The following CLNK variants were observed in gnomAD, a reference collection of about 807,000 sequenced individuals.
CLNK encodes the protein cytokine-dependent hematopoietic cell linker.
A neutral mutation model predicts 68.6 loss-of-function variants in CLNK; 74 were observed. That is an observed-to-expected ratio of 1.08 (90% confidence interval 0.89 to 1.31). The LOEUF is 1.31. Among genes scored for constraint, CLNK ranks in the 50% most tolerant of loss-of-function variants. The pLI is 0.00. For synonymous variants in CLNK, 198 were observed against 172.2 expected, an observed-to-expected ratio of 1.15 and a Z score of -1.17; for missense variants, 553 against 515.3, an observed-to-expected ratio of 1.07 and a Z score of -0.71.
chr4:10,562,279 G>A (rs1719928824), intron 7 of CLNK, among the ~76,000 whole-genome samples: 2 of 151,698 alleles, frequency 1.3e-5, no homozygotes, highest in South Asian at 4.2e-4. Flanking sequence ...CAACAGTGAT[G>A]GATTTTATAG....
intron 1 of CLNK, among the ~76,000 whole-genome samples, chr4:10,683,600 G>C (rs757362623): frequency 6.6e-6 from 1 of 152,172 alleles, no homozygotes; most frequent in Non-Finnish European, 1.5e-5. Context: ...GTAAACCAGG[G>C]AAAGTAATAG....
intron 2 of CLNK, among the ~76,000 whole-genome samples, chr4:10,602,788 G>A (rs1721638247): frequency 6.6e-6 from 1 of 152,132 alleles, no homozygotes; most frequent in Admixed American, 6.5e-5. Flanking sequence ...AATGCAATAG[G>A]CACAATGATA....
At chr4:10,549,980 T>C (rs1244203465) in intron 8 of CLNK, among the ~76,000 whole-genome samples, 1 of 152,244 alleles carries the variant, frequency 6.6e-6, no homozygotes, top group Admixed American at 6.5e-5. Context: ...CAGAATCCGA[T>C]GGACCTTGGT....
chr4:10,710,283 G>A, the CLNK span, among the ~76,000 whole-genome samples: 10 of 152,198 alleles, frequency 6.6e-5, no homozygotes, highest in South Asian at 1.0e-3. Flanking sequence ...TTGGTTTTCC[G>A]TGCTTCTCAG....
At chr4:10,542,680 G>T (rs866154702) in intron 8 of CLNK, among the ~76,000 whole-genome samples, 1 of 145,050 alleles carries the variant, frequency 6.9e-6, no homozygotes, top group African/African-American at 2.6e-5. Flanking sequence ...GTGTGTGTGT[G>T]TGTATATATA....
intron 2 of CLNK, among the ~76,000 whole-genome samples, chr4:10,662,405 C>T (rs983421242): frequency 9.2e-5 from 14 of 152,166 alleles, no homozygotes; most frequent in Admixed American, 3.3e-4. Flanking sequence ...ACTGGAACAA[C>T]CTCTGGTTAT....
At chr4:10,554,648 G>A (rs910590758) in intron 8 of CLNK, among the ~76,000 whole-genome samples, 6 of 152,162 alleles carry the variant, frequency 3.9e-5, no homozygotes, top group African/African-American at 7.2e-5. Context: ...TTGCTTTTGA[G>A]CCATGGGTTG....
chr4:10,627,175 G>A (rs924787221), intron 2 of CLNK, among the ~76,000 whole-genome samples: 1 of 152,166 alleles, frequency 6.6e-6, no homozygotes, highest in Admixed American at 6.5e-5. Flanking sequence ...GACGAAAACT[G>A]TGAGTTTTAC....
chr4:10,699,513 T>TATTTTA, the CLNK span, among the ~76,000 whole-genome samples: 41 of 62,060 alleles, frequency 6.6e-4, no homozygotes, highest in African/African-American at 3.4e-3. Flanking sequence ...TATATATATA[T>TATTTTA]TTTTTTTTTT....
chr4:10,602,859 T>G (rs1721640663), intron 2 of CLNK, among the ~76,000 whole-genome samples: 1 of 152,146 alleles, frequency 6.6e-6, no homozygotes, highest in Non-Finnish European at 1.5e-5. Flanking sequence ...ATTTAAGTGA[T>G]GGTATAGTCA....
chr4:10,709,226 G>A, the CLNK span, among the ~76,000 whole-genome samples: 1 of 152,190 alleles, frequency 6.6e-6, no homozygotes, highest in Non-Finnish European at 1.5e-5. Context: ...TCAGTGGAAT[G>A]TACTTTACAT....
chr4:10,524,359 T>C (rs1040803458), intron 14 of CLNK, among the ~76,000 whole-genome samples: 19 of 152,284 alleles, frequency 1.2e-4, no homozygotes, highest in Non-Finnish European at 1.9e-4. Context: ...TGAATGTTCG[T>C]TGGGCTCTTG....
the CLNK span, among the ~76,000 whole-genome samples, chr4:10,692,385 T>C: frequency 9.9e-5 from 15 of 152,160 alleles, no homozygotes; most frequent in African/African-American, 3.6e-4. Context: ...GAGGGCCGCA[T>C]TCACAGGCAG....
intron 7 of CLNK, among the ~76,000 whole-genome samples, chr4:10,559,819 G>A (rs1252415083): frequency 6.6e-6 from 1 of 152,176 alleles, no homozygotes; most frequent in Non-Finnish European, 1.5e-5. Flanking sequence ...AGGGAACAAA[G>A]AAAAATACCA....
chr4:10,611,001 T>A (rs1173356035), intron 2 of CLNK, among the ~76,000 whole-genome samples: 1 of 144,910 alleles, frequency 6.9e-6, no homozygotes, highest in East Asian at 2.0e-4. Flanking sequence ...CGGGGCAACA[T>A]GGTGAAACCC....
intron 18 of CLNK, among the ~76,000 whole-genome samples, chr4:10,496,337 C>T (rs1340933899): frequency 6.6e-6 from 1 of 152,154 alleles, no homozygotes; most frequent in Non-Finnish European, 1.5e-5. Context: ...TTGCATTTAG[C>T]AGAGCCTTGC....
At chr4:10,536,363 T>C (rs1718760488) in intron 11 of CLNK, among the ~76,000 whole-genome samples, 1 of 152,218 alleles carries the variant, frequency 6.6e-6, no homozygotes, top group African/African-American at 2.4e-5. Flanking sequence ...CTGTGGTTGA[T>C]TACATGGGAC....
At chr4:10,610,033 G>GTTTTTTTT (rs71181047) in intron 2 of CLNK, among the ~76,000 whole-genome samples, 1 of 73,446 alleles carries the variant, frequency 1.4e-5, no homozygotes, top group Non-Finnish European at 2.4e-5. Flanking sequence ...ATGAATGCTC[G>GTTTTTTTT]TTTTTTTTTT....
intron 3 of CLNK, 35 bp from the exon 4 acceptor site, chr4:10,584,990 T>C (rs368658798): frequency 1.5e-5 from 24 of 1,611,532 alleles, no homozygotes; most frequent in Admixed American, 1.3e-4. Flanking sequence ...TAAATGTCCA[T>C]TGCTCCACCT....
Sources: allele counts gnomAD v4.1 joint callset (sites outside exome capture counted in the v4.1 genomes callset), GRCh38; gene constraint gnomAD v4.1.1; transcripts MANE v1.5; gene names NCBI Gene and HGNC (gene_info 2026-07-23, HGNC 2026-07-21).